Variants in WASF1 observed in about 807,000 individuals in gnomAD.
The protein encoded by WASF1 is actin-binding protein WASF1.
A neutral mutation model predicts 50.5 loss-of-function variants in WASF1; 7 were observed. The observed-to-expected ratio is 0.14, with a 90% CI of 0.08 to 0.26. The LOEUF is 0.26. Ranked by LOEUF, WASF1 falls within the 10% of genes least tolerant of loss-of-function variation. WASF1 has a pLI of 1.00. For synonymous variants in WASF1, 205 were observed against 244.0 expected (o/e 0.84, Z 1.49); for missense variants, 470 against 694.7 (o/e 0.68, Z 3.64).
At chr6:110,104,079 G>A (rs1653168614) in intron 8 of WASF1, among the ~76,000 whole-genome samples, 2 of 152,078 alleles carry the variant, frequency 1.3e-5, no homozygotes. Context: ...TAGCTATATT[G>A]TTTCTGTCCT....
intron 3 of WASF1, among the ~76,000 whole-genome samples, chr6:110,159,807 C>A (rs1050268860): frequency 8.6e-5 from 13 of 151,812 alleles, no homozygotes; most frequent in Non-Finnish European, 1.3e-4. Flanking sequence ...TTAAATAATT[C>A]TGTGCATTAA....
intron 2 of WASF1, among the ~76,000 whole-genome samples, chr6:110,164,284 A>C (rs1306293470): frequency 6.6e-6 from 1 of 151,664 alleles, no homozygotes; most frequent in Non-Finnish European, 1.5e-5. Context: ...AGACTGGGAG[A>C]AAATATTTGC....
chr6:110,168,078 T>C (rs1253977370), intron 2 of WASF1, among the ~76,000 whole-genome samples: 2 of 152,046 alleles, frequency 1.3e-5, no homozygotes, highest in African/African-American at 4.8e-5. Context: ...TTATCTCTTA[T>C]ACCTCAAAGA....
rs543872501 is a variant in WASF1 at position 110,123,262 on chromosome 6, TC to T, written c.133+4206del. Among the ~76,000 whole-genome samples, 32 of 150,986 alleles carry T rather than the reference TC, an allele frequency of 2.1e-4. No homozygotes were observed. In the East Asian group the frequency reaches 5.0e-3, roughly 24 times the overall value. ...GATTCATCAAAGACCTAGAAGATTATCTGTCCCAGGGATGCCCAAGATATAG... is the reference window on the plus strand; with the variant it reads ...GATTCATCAAAGACCTAGAAGATTATTGTCCCAGGGATGCCCAAGATATAG... On this transcript the variant is annotated intron_variant, in intron 4 of 10. Coordinates refer to ENST00000392589, the MANE Select transcript of WASF1 (RefSeq NM_003931.3).
chr6:110,124,222 CTCTCCTCTCTCTCCTCT>C (rs1774277076), intron 4 of WASF1, among the ~76,000 whole-genome samples: 1 of 77,732 alleles, frequency 1.3e-5, no homozygotes, highest in African/African-American at 7.9e-5. Context: ...TCTCTCCTCT[CTCTCCTCTCTCTCCTCT>C]CTCTCTCTCT....
intron 3 of WASF1, among the ~76,000 whole-genome samples, chr6:110,138,061 C>A (rs1162068290): frequency 6.6e-6 from 1 of 152,230 alleles, no homozygotes; most frequent in Non-Finnish European, 1.5e-5. Context: ...GGATCCCACA[C>A]CTGCCAAGGG....
chr6:110,125,605 A>G (rs1774384793), intron 4 of WASF1, among the ~76,000 whole-genome samples: 2 of 152,188 alleles, frequency 1.3e-5, no homozygotes, highest in South Asian at 4.1e-4. Context: ...GGCCTTTTAA[A>G]TTTAATTCCA....
At chr6:110,105,380 T>TA (rs747617087) in intron 8 of WASF1, 27 bp downstream of exon 8, 78,508 of 924,746 alleles carry the variant, frequency 0.085, no homozygotes, top group South Asian at 0.11. Flanking sequence ...TTTTATCATT[T>TA]AAAAAAAAAA....
At chr6:110,166,295 A>C (rs1382981782) in intron 2 of WASF1, among the ~76,000 whole-genome samples, 1 of 151,700 alleles carries the variant, frequency 6.6e-6, no homozygotes, top group African/African-American at 2.4e-5. Context: ...TTTTGACCAA[A>C]ATATTTCTGA....
At chr6:110,120,471 A>G (rs945743712) in intron 4 of WASF1, among the ~76,000 whole-genome samples, 1 of 152,206 alleles carries the variant, frequency 6.6e-6, no homozygotes, top group Admixed American at 6.5e-5. Flanking sequence ...TAGGAATCCA[A>G]CTTACAAGGG....
At chr6:110,149,055 T>C (rs931626445) in intron 3 of WASF1, among the ~76,000 whole-genome samples, 1 of 152,186 alleles carries the variant, frequency 6.6e-6, no homozygotes, top group Non-Finnish European at 1.5e-5. Flanking sequence ...GACTTATGAC[T>C]AACTCTAGTA....
intron 3 of WASF1, among the ~76,000 whole-genome samples, chr6:110,149,255 G>A (rs1462492): frequency 0.23 from 35,235 of 151,454 alleles, 6,220 homozygotes; most frequent in African/African-American, 0.5. Flanking sequence ...GCATATGCCC[G>A]CTTTACCTAT....
At chr6:110,147,149 C>A (rs1297137497) in intron 3 of WASF1, among the ~76,000 whole-genome samples, 5 of 151,960 alleles carry the variant, frequency 3.3e-5, no homozygotes, top group African/African-American at 1.2e-4. Flanking sequence ...AGATCGAGAC[C>A]ATCCTGGCTA....
At chr6:110,143,425 C>CATAT (rs1266689004) in intron 3 of WASF1, among the ~76,000 whole-genome samples, 1 of 151,598 alleles carries the variant, frequency 6.6e-6, no homozygotes, top group East Asian at 1.9e-4. Flanking sequence ...CAAAATGAGG[C>CATAT]ATATATATGT....
intron 2 of WASF1, among the ~76,000 whole-genome samples, chr6:110,166,889 T>G (rs778459690): frequency 2.6e-5 from 4 of 151,946 alleles, no homozygotes; most frequent in Non-Finnish European, 2.9e-5. Flanking sequence ...GTTTATTTTT[T>G]TGTGTGAAAA....
chr6:110,119,159 C>T (rs531916927), intron 4 of WASF1, among the ~76,000 whole-genome samples: 48 of 152,128 alleles, frequency 3.2e-4, no homozygotes, highest in African/African-American at 1.1e-3. Context: ...CAAACATGTT[C>T]GAAAGCTAGC....
chr6:110,107,341 A>G (rs946058695), intron 6 of WASF1, 147 bp from the exon 7 acceptor site: 39 of 538,748 alleles, frequency 7.2e-5, no homozygotes, highest in Admixed American at 7.0e-4. Flanking sequence ...TATTGCACCA[A>G]TAGAAAATTT....
rs772338208 is a variant in WASF1, at chr6:110,108,542, T to C, written c.408A>G (p.Ile136Met). 5.0e-6 allele frequency: 8 copies of C among 1,613,412 alleles called. No individual in the cohort carries two copies. The highest frequency in any genetic ancestry group is 5.9e-6 in the Non-Finnish European group (7 of 1,179,664). The change falls in exon 6 of 11, where the codon ATA (isoleucine) becomes ATG (methionine). Residue 136 changes from isoleucine to methionine, a missense_variant. Ile to Met is a conservative substitution (Grantham distance 10, BLOSUM62 1). This residue lies in a region of WASF1 where 140 missense variants were observed against 260.5 expected (regional missense o/e 0.54). Transcript: ENST00000392589. Reference sequence around the variant, plus strand: ...AACCTACCTACCTATAAGGAGTGAGTATATTGAGAGGTGGAGGCTGTTCAC... The same window carrying C: ...AACCTACCTACCTATAAGGAGTGAGCATATTGAGAGGTGGAGGCTGTTCAC... Reference protein sequence around the residue: ...DVCEQPPPLNILTPYRDDGKE... With the variant: ...DVCEQPPPLNMLTPYRDDGKE...
intron 3 of WASF1, among the ~76,000 whole-genome samples, chr6:110,136,759 T>C (rs1370060774): frequency 6.6e-6 from 1 of 152,242 alleles, no homozygotes; most frequent in African/African-American, 2.4e-5. Context: ...TTTATTTTTC[T>C]TTAACTTAGT....
Sources: allele counts gnomAD v4.1 joint callset (sites outside exome capture counted in the v4.1 genomes callset), GRCh38; gene constraint gnomAD v4.1.1; regional missense constraint gnomAD v4.1.1; transcripts MANE v1.5; gene names NCBI Gene and HGNC (gene_info 2026-07-23, HGNC 2026-07-21).